The following SLC38A4 variants were observed in gnomAD, a reference collection of about 807,000 sequenced individuals.
The protein encoded by SLC38A4 is sodium-coupled neutral amino acid transporter 4.
SLC38A4 carries 20 observed loss-of-function variants against 63.1 expected under a neutral mutation model. The observed-to-expected ratio is 0.32, with a 90% CI of 0.22 to 0.46. The LOEUF is 0.46. SLC38A4 is among the 20% of genes least tolerant of loss of function. The pLI is 1.00. For synonymous variants in SLC38A4, 230 were observed against 225.5 expected (o/e 1.02, Z -0.18); for missense variants, 526 against 663.6 (o/e 0.79, Z 2.28).
rs1938731979 is a variant in SLC38A4, at chr12:46,785,158, C to A, written c.346G>T (p.Ala116Ser). ...TGAACTGAATACAGTGATAATATTG[C>A]CACAGCAAGCAGCATGATTCTGCAA... ...ILFIIMLLAV[A>S]ILSLYSVHLL... The change falls in exon 6 of 17, where the codon GCA (alanine) becomes TCA (serine). Residue 116 changes from alanine (A) to serine (S), a missense_variant. Transcript: ENST00000266579. 1 of 1,612,424 alleles carries A rather than the reference C, an allele frequency of 6.2e-7. No individual in the cohort carries two copies. Among genetic ancestry groups the A allele is most frequent in the South Asian group, 1.1e-5 (1 of 90,984 alleles).
At chr12:46,827,156 C>T (rs1029908969), upstream of SLC38A4, among the ~76,000 whole-genome samples, 1 of 152,178 alleles carries the variant, frequency 6.6e-6, no homozygotes, top group Non-Finnish European at 1.5e-5. Flanking sequence ...TAATCATATA[C>T]AGGGAATGAC....
chr12:46,803,168 G>T lies in SLC38A4; in HGVS notation c.-113+435C>A, dbSNP rs545422911. ...CTTTGATTAGTCAAAAATTTTGTGG[G>T]GTTTTATTTGTTTTCAAGATAAACA... On this transcript the variant is annotated intron_variant, in intron 2 of 16. Coordinates refer to ENST00000266579, the MANE Select transcript of SLC38A4 (RefSeq NM_018018.5). Among the ~76,000 whole-genome samples the T allele has an allele frequency of 1.7e-4, 26 of 151,934 alleles. No individual in the cohort carries two copies. In the South Asian group the frequency reaches 4.6e-3, roughly 27 times the overall value.
At chr12:46,814,615 A>C (rs1423678317) in intron 1 of SLC38A4, among the ~76,000 whole-genome samples, 2 of 151,990 alleles carry the variant, frequency 1.3e-5, no homozygotes, top group Non-Finnish European at 2.9e-5. Context: ...TGAGCATTTT[A>C]GTACTAATTG....
intron 12 of SLC38A4, 101 bp from the exon 13 acceptor site, chr12:46,777,105 A>G: frequency 1.2e-6 from 1 of 869,322 alleles, no homozygotes; most frequent in Admixed American, 2.6e-5. Flanking sequence ...TATATTGCTC[A>G]TCATGAAGAC....
rs143466965 is a variant in SLC38A4 at position 46,768,060 on chromosome 12, G to A, written c.1542+250C>T. On this transcript the variant is annotated intron_variant, in intron 16 of 16. Coordinates refer to ENST00000266579, the MANE Select transcript of SLC38A4 (RefSeq NM_018018.5). ...ACACTGCTATTTGCCTGAAGCATAT[G>A]TGTCTGTGGGAAAGGCTACTACTAT... 5.3e-5 allele frequency among the ~76,000 whole-genome samples: 8 copies of A among 152,260 alleles called. 1 individual carries two copies. The highest frequency in any genetic ancestry group is 1.9e-4 in the African/African-American group (8 of 41,572).
chr12:46,786,997 A>T (rs562893752), intron 5 of SLC38A4, among the ~76,000 whole-genome samples: 44 of 152,326 alleles, frequency 2.9e-4, no homozygotes, highest in African/African-American at 9.9e-4. Context: ...CACTGCTGCC[A>T]ACTATATCCT....
At chr12:46,809,107 A>G (rs1217846621) in intron 1 of SLC38A4, among the ~76,000 whole-genome samples, 1 of 151,994 alleles carries the variant, frequency 6.6e-6, no homozygotes, top group Non-Finnish European at 1.5e-5. Flanking sequence ...GGACTTTGTA[A>G]ACCTGTTATC....
chr12:46,790,823 A>G (rs753691340), intron 3 of SLC38A4, among the ~76,000 whole-genome samples: 16 of 152,200 alleles, frequency 1.1e-4, no homozygotes, highest in Non-Finnish European at 2.1e-4. Context: ...CACAAGTATA[A>G]TGATCACAAA....
chr12:46,785,971 T>C (rs1938753924), intron 5 of SLC38A4, among the ~76,000 whole-genome samples: 2 of 151,938 alleles, frequency 1.3e-5, no homozygotes, highest in Non-Finnish European at 2.9e-5. Context: ...TTTTAAAAAA[T>C]ACACTTTCCC....
At chr12:46,821,915 C>T (rs1266155072) in intron 1 of SLC38A4, among the ~76,000 whole-genome samples, 6 of 152,090 alleles carry the variant, frequency 3.9e-5, no homozygotes, top group Non-Finnish European at 8.8e-5. Flanking sequence ...TCTTTAATTA[C>T]GTTCATTCCT....
intron 4 of SLC38A4, 27 bp from the exon 5 acceptor site, chr12:46,788,058 G>A (rs1427725407): frequency 5.2e-6 from 8 of 1,550,264 alleles, no homozygotes; most frequent in African/African-American, 4.1e-5. Flanking sequence ...TGTATTATAA[G>A]CAAACATTTG....
Position 46,825,956 on chromosome 12 carries a change from C to T in SLC38A4, c.-358G>A, listed in dbSNP as rs528361505. ...AGCCTCCCGCGATCCTCCGTGCACGCCACCACCCGGCTCATGCTCCAGGCG... is the reference window on the plus strand; with the variant it reads ...AGCCTCCCGCGATCCTCCGTGCACGTCACCACCCGGCTCATGCTCCAGGCG... On this transcript the variant is annotated 5_prime_UTR_variant, in exon 1 of 17. Coordinates refer to ENST00000266579, the MANE Select transcript of SLC38A4 (RefSeq NM_018018.5). 2.0e-5 allele frequency: 3 copies of T among 152,604 alleles called. No homozygotes were observed. The highest frequency in any genetic ancestry group is 4.4e-5 in the Non-Finnish European group (3 of 68,230). The allele number at this position is 152,604 out of a possible 1,614,324, so 9.5% of individuals were successfully genotyped here.
chr12:46,768,252 TTATTC>T, intron 16 of SLC38A4, 53 bp downstream of exon 16: 17 of 1,266,736 alleles, frequency 1.3e-5, no homozygotes, highest in Non-Finnish European at 1.8e-5. Context: ...ATTTTCTAGT[TTATTC>T]TAAGTAGTTG....
In SLC38A4 at chr12:46,769,326, C is replaced by T. The variant is rs1938362713; in HGVS notation, c.1402G>A (p.Val468Ile). The T allele has an allele frequency of 5.6e-6, 9 of 1,613,280 alleles. No homozygotes were observed. The highest frequency in any genetic ancestry group is 7.6e-6 in the Non-Finnish European group (9 of 1,179,510). Residue 468 changes from valine (V) to isoleucine (I), a missense_variant, in exon 15 of 17, where the codon GTC becomes ATC. Transcript: ENST00000266579. ...AVLIALNNVL[V>I]ILVPTIKYIF... Reference sequence around the variant, plus strand: ...TATTTTATAGTTGGCACAAGGATGACCAGAACATTATTAAGTGCAATAAGC... The same window carrying T: ...TATTTTATAGTTGGCACAAGGATGATCAGAACATTATTAAGTGCAATAAGC...
intron 16 of SLC38A4, 71 bp downstream of exon 16, chr12:46,768,239 T>C: frequency 9.0e-7 from 1 of 1,114,596 alleles, no homozygotes; most frequent in Non-Finnish European, 1.3e-6. Context: ...CTGAACTATG[T>C]GTATTTTCTA....
At chr12:46,831,158 C>T (rs114173163) in intron 1 of SLC38A4, among the ~76,000 whole-genome samples, 1,902 of 152,312 alleles carry the variant, frequency 0.012, 41 homozygotes, top group African/African-American at 0.042. Flanking sequence ...CCGGCACCTG[C>T]CCTGGCCCAG....
intron 10 of SLC38A4, among the ~76,000 whole-genome samples, 182 bp from the exon 11 acceptor site, chr12:46,778,958 G>T (rs1241033993): frequency 1.3e-5 from 2 of 151,934 alleles, no homozygotes; most frequent in Non-Finnish European, 2.9e-5. Flanking sequence ...TTGGAGCTGT[G>T]ATTGGCAGCC....
chr12:46,815,280 T>C (rs200988074), intron 1 of SLC38A4, among the ~76,000 whole-genome samples: 13,901 of 89,128 alleles, frequency 0.16, 1,430 homozygotes, highest in African/African-American at 0.38. Flanking sequence ...TATATATATA[T>C]ATATACACAC....
intron 7 of SLC38A4, among the ~76,000 whole-genome samples, chr12:46,783,743 A>T (rs542539932): frequency 6.6e-6 from 1 of 152,184 alleles, no homozygotes; most frequent in East Asian, 1.9e-4. Flanking sequence ...AGATCAGAGA[A>T]ATAGAATAGC....
Sources: gnomAD v4.1 joint callset for allele counts (sites outside exome capture counted in the v4.1 genomes callset) on GRCh38, gnomAD v4.1.1 for gene constraint, MANE v1.5 for transcripts, NCBI Gene and HGNC (gene_info 2026-07-23, HGNC 2026-07-21) for gene names.